TGFBR3: variants seen among roughly 807,000 people sequenced by gnomAD.
TGFBR3 encodes transforming growth factor beta receptor 3, also known as transforming growth factor beta receptor type 3.
Under a neutral mutation model 87.9 loss-of-function variants are expected in TGFBR3, and 46 were observed. The ratio of observed to expected loss-of-function variants is 0.52; its 90% CI spans 0.41 to 0.67. The LOEUF (loss-of-function observed/expected upper bound fraction) is 0.67. Ranked by LOEUF, TGFBR3 falls within the 30% of genes least tolerant of loss-of-function variation. TGFBR3 has a pLI of 0.00. For synonymous variants in TGFBR3, 381 were observed against 391.6 expected (o/e 0.97, Z 0.32); for missense variants, 866 against 1,041.9 (o/e 0.83, Z 2.32).
chr1:91,769,580 G>A (rs1314164419), intron 3 of TGFBR3, among the ~76,000 whole-genome samples: 1 of 152,004 alleles, frequency 6.6e-6, no homozygotes, highest in East Asian at 1.9e-4. Context: ...GCCAGACTTG[G>A]AGATACTTCA....
intron 3 of TGFBR3, among the ~76,000 whole-genome samples, chr1:91,795,382 A>G (rs572298867): frequency 6.6e-6 from 1 of 152,252 alleles, no homozygotes. Context: ...TGAACACACT[A>G]TGTCCCTGAT....
intron 2 of TGFBR3, among the ~76,000 whole-genome samples, chr1:91,823,833 T>A (rs575891870): frequency 2.6e-5 from 4 of 152,242 alleles, no homozygotes; most frequent in Non-Finnish European, 5.9e-5. Flanking sequence ...AATGTACCTT[T>A]AAATGTGTGC....
chr1:91,731,427 G>C (rs1672763811), intron 5 of TGFBR3, among the ~76,000 whole-genome samples: 1 of 152,176 alleles, frequency 6.6e-6, no homozygotes, highest in Non-Finnish European at 1.5e-5. Context: ...TTTGCACTCT[G>C]CAGTCTCCTC....
chr1:91,873,684 C>T (rs556683657), intron 1 of TGFBR3, among the ~76,000 whole-genome samples: 11 of 152,248 alleles, frequency 7.2e-5, no homozygotes, highest in South Asian at 4.1e-4. Context: ...CTGTGGCTAA[C>T]GCCTGTAATC....
chr1:91,903,023 C>T (rs971268818), intron 1 of TGFBR3, among the ~76,000 whole-genome samples: 3 of 104,298 alleles, frequency 2.9e-5, no homozygotes, highest in African/African-American at 1.2e-4. Context: ...TCTAGCACCT[C>T]ACTTAAAAAA....
At chr1:91,759,840 T>C (rs1673895878) in intron 3 of TGFBR3, among the ~76,000 whole-genome samples, 1 of 152,212 alleles carries the variant, frequency 6.6e-6, no homozygotes. Flanking sequence ...GAGGATGACA[T>C]GGTCTAGATC....
At chr1:91,713,599 A>C (rs1162272939) in intron 12 of TGFBR3, among the ~76,000 whole-genome samples, 3 of 152,184 alleles carry the variant, frequency 2.0e-5, no homozygotes, top group Non-Finnish European at 4.4e-5. Flanking sequence ...ACGCTGAGAT[A>C]CCCAGGGGAA....
chr1:91,804,992 A>G (rs1195774286), intron 2 of TGFBR3, among the ~76,000 whole-genome samples: 2 of 152,190 alleles, frequency 1.3e-5, no homozygotes, highest in Non-Finnish European at 2.9e-5. Context: ...TGAAAGCAAC[A>G]ATGCTCATAA....
chr1:91,853,973 C>T (rs1319842043), intron 2 of TGFBR3, among the ~76,000 whole-genome samples: 2 of 152,120 alleles, frequency 1.3e-5, no homozygotes, highest in Admixed American at 6.5e-5. Flanking sequence ...CATGCTACTG[C>T]ACTCCAGCCT....
intron 2 of TGFBR3, among the ~76,000 whole-genome samples, chr1:91,804,579 T>TCCA (rs1367627880): frequency 6.6e-6 from 1 of 152,136 alleles, no homozygotes; most frequent in Admixed American, 6.6e-5. Flanking sequence ...AACAGCATGA[T>TCCA]CCACCCCACA....
intron 1 of TGFBR3, among the ~76,000 whole-genome samples, chr1:91,901,671 T>C (rs1236221282): frequency 6.6e-6 from 1 of 151,872 alleles, no homozygotes; most frequent in African/African-American, 2.4e-5. Flanking sequence ...TCCCAGCACT[T>C]TGGGAGACAG....
intron 2 of TGFBR3, among the ~76,000 whole-genome samples, chr1:91,832,760 T>C (rs1279484080): frequency 6.6e-6 from 1 of 152,130 alleles, no homozygotes; most frequent in Non-Finnish European, 1.5e-5. Flanking sequence ...CCCAGCACTT[T>C]GGGAGGCCGA....
At chr1:91,841,743 G>C (rs1012978684) in intron 2 of TGFBR3, among the ~76,000 whole-genome samples, 11 of 145,536 alleles carry the variant, frequency 7.6e-5, no homozygotes, top group African/African-American at 2.8e-4. Context: ...GCTGTGAGCT[G>C]AGATCACGCC....
At chr1:91,790,817 G>C (rs752050947) in intron 3 of TGFBR3, among the ~76,000 whole-genome samples, 1 of 152,166 alleles carries the variant, frequency 6.6e-6, no homozygotes. Context: ...CTAGTTTAAT[G>C]TTTTTGCTCT....
At chr1:91,878,112 T>C (rs1678926971) in intron 1 of TGFBR3, among the ~76,000 whole-genome samples, 1 of 152,210 alleles carries the variant, frequency 6.6e-6, no homozygotes, top group Non-Finnish European at 1.5e-5. Context: ...GAGATACTTA[T>C]TCTTTATGGA....
Position 91,681,088 on chromosome 1 carries a change from A to G in TGFBR3, c.*2651T>C. ...AAGGGTGTAGCCTGCAGAAATAACAAAAGACTGCAGATACAAGAGTTCAGC... is the reference window on the plus strand; with the variant it reads ...AAGGGTGTAGCCTGCAGAAATAACAGAAGACTGCAGATACAAGAGTTCAGC... On this transcript the variant is annotated 3_prime_UTR_variant, in exon 17 of 17. Coordinates refer to ENST00000212355, the MANE Select transcript of TGFBR3 (RefSeq NM_003243.5). 2.2e-6 allele frequency: 1 copy of G among 454,120 alleles called. No homozygotes were observed. Among genetic ancestry groups the G allele is most frequent in the Middle Eastern group, 6.9e-4 (1 of 1,444 alleles). The allele number at this position is 454,120 out of a possible 1,614,324, so 28.1% of individuals were successfully genotyped here.
intron 2 of TGFBR3, among the ~76,000 whole-genome samples, chr1:91,820,759 A>C (rs1357394167): frequency 2.0e-5 from 3 of 152,196 alleles, no homozygotes; most frequent in Admixed American, 2.0e-4. Flanking sequence ...CATTTAAAAC[A>C]CTGTTATTTG....
intron 2 of TGFBR3, among the ~76,000 whole-genome samples, chr1:91,808,358 C>T (rs1409599678): frequency 6.6e-6 from 1 of 152,164 alleles, no homozygotes; most frequent in South Asian, 2.1e-4. Context: ...CTCCCAAAGG[C>T]GAGAACAGGC....
rs1435834197 is a variant in TGFBR3, at chr1:91,680,362, T to C, written c.*3377A>G. The C allele has an allele frequency of 4.6e-6, 2 of 437,882 alleles. No homozygotes were observed. The highest frequency in any genetic ancestry group is 9.0e-6 in the Non-Finnish European group (2 of 221,598). The allele number at this position is 437,882 out of a possible 1,614,324, so 27.1% of individuals were successfully genotyped here. A position where few individuals can be genotyped will look rare whatever the true frequency, so the allele number is the denominator to read the frequency against. On this transcript the variant is annotated 3_prime_UTR_variant, in exon 17 of 17. Transcript: ENST00000212355. Reference sequence around the variant, plus strand: ...CACATATTAATAACTGATATATATCTTTTTATTATGCACAGATAAAAGATT... The same window carrying C: ...CACATATTAATAACTGATATATATCCTTTTATTATGCACAGATAAAAGATT...
Sources: allele counts gnomAD v4.1 joint callset (sites outside exome capture counted in the v4.1 genomes callset), GRCh38; gene constraint gnomAD v4.1.1; transcripts MANE v1.5; gene names NCBI Gene and HGNC (gene_info 2026-07-23, HGNC 2026-07-21).